Variants in SEC23IP observed in about 807,000 individuals in gnomAD.
SEC23IP encodes the protein SEC23-interacting protein.
A neutral mutation model predicts 113.4 loss-of-function variants in SEC23IP; 70 were observed. That is an observed-to-expected ratio of 0.62 (90% confidence interval 0.51 to 0.75). The LOEUF is 0.75. Ranked by LOEUF, SEC23IP falls within the 30% of genes least tolerant of loss-of-function variation. The probability of loss-of-function intolerance (pLI) is 0.00; values close to 1 mark genes in which losing one functional copy is unlikely to be tolerated. For synonymous variants in SEC23IP, 398 were observed against 421.0 expected, an observed-to-expected ratio of 0.95 and a Z score of 0.67; for missense variants, 1,160 against 1,204.9, an observed-to-expected ratio of 0.96 and a Z score of 0.55.
intron 2 of SEC23IP, 71 bp downstream of exon 2, chr10:119,899,030 A>T: frequency 7.8e-7 from 1 of 1,283,414 alleles, no homozygotes; most frequent in Non-Finnish European, 1.1e-6. Flanking sequence ...CTATGTTTTA[A>T]AAAACATTTC....
In SEC23IP at chr10:119,914,818, TG is replaced by T; in HGVS notation, c.1402+1del. 1.9e-6 allele frequency: 3 copies of T among 1,612,394 alleles called. No homozygotes were observed. The highest frequency in any genetic ancestry group is 2.5e-6 in the Non-Finnish European group (3 of 1,178,454). On this transcript the variant is annotated frameshift_variant and splice_region_variant, in exon 7 of 19. Transcript: ENST00000369075. LOFTEE classifies it high-confidence loss of function. ...DLRFRSIIEC[V>X]DDFRVVSLKL... Reference sequence around the variant, plus strand: ...TACGCTTTAGGAGCATTATTGAGTGTGGTAAGTGTTGGGTATATTGTATTTC... The same window carrying T: ...TACGCTTTAGGAGCATTATTGAGTGTGTAAGTGTTGGGTATATTGTATTTC...
intron 4 of SEC23IP, 176 bp downstream of exon 4, chr10:119,904,453 G>A: frequency 1.7e-6 from 1 of 598,894 alleles, no homozygotes; most frequent in Non-Finnish European, 3.0e-6. Context: ...TGCTAATCGT[G>A]GCATCTGTGT....
At chr10:119,895,191 C>G (rs906250134) in intron 1 of SEC23IP, among the ~76,000 whole-genome samples, 6 of 152,070 alleles carry the variant, frequency 3.9e-5, no homozygotes, top group African/African-American at 1.2e-4. Context: ...CAAGACCAAC[C>G]TGGCCAACAT....
rs1854880902 is a variant in SEC23IP at position 119,912,083 on chromosome 10, T to C, written c.1231T>C (p.Trp411Arg). 6.2e-7 allele frequency: 1 copy of C among 1,614,098 alleles called. No homozygotes were observed. Among genetic ancestry groups the C allele is most frequent in the South Asian group, 1.1e-5 (1 of 91,072 alleles). ...QFQPSSVPDE[W>R]GTTQDGQTRP... ...CCAGCCCTCCTCAGTGCCAGATGAA[T>C]GGGGCACCACGCAAGATGGACAGAC... The change falls in exon 6 of 19, where the codon TGG becomes CGG. Residue 411 changes from tryptophan to arginine, a missense_variant. Transcript: ENST00000369075.
intron 13 of SEC23IP, among the ~76,000 whole-genome samples, chr10:119,926,853 G>A (rs533362744): frequency 6.6e-6 from 1 of 152,322 alleles, no homozygotes; most frequent in Admixed American, 6.5e-5. Context: ...ATATTCTTAT[G>A]TAAGTAAATG....
In SEC23IP at chr10:119,917,864, A is replaced by T; in HGVS notation, c.1573A>T (p.Ile525Phe). 6.2e-7 allele frequency: 1 copy of T among 1,613,986 alleles called. No individual in the cohort carries two copies. Among genetic ancestry groups the T allele is most frequent in the African/African-American group, 1.3e-5 (1 of 75,048 alleles). The change falls in exon 9 of 19, where the codon ATT (isoleucine) becomes TTT (phenylalanine). Residue 525 changes from isoleucine (I) to phenylalanine (F), a missense_variant. Ile to Phe is a conservative substitution (Grantham distance 21). Transcript: ENST00000369075. The part of the protein sequence containing the change: ...RNIKKITLPS[I>F]GRFRHFTNET... ...TATTAAGAAAATCACTTTGCCAAGT[A>T]TTGGTCGATTTCGTCACTTTACCAA...
chr10:119,932,028 GA>G, intron 15 of SEC23IP, 104 bp from the exon 16 acceptor site: 1 of 674,852 alleles, frequency 1.5e-6, no homozygotes, highest in East Asian at 2.6e-5. Context: ...AAAAGAGGAA[GA>G]AACAGTCTTA....
rs1309111891 is a variant in SEC23IP, at chr10:119,912,138, A to T, written c.1286A>T (p.Asp429Val). The change falls in exon 6 of 19, where the codon GAT becomes GTT. Residue 429 changes from aspartate to valine, a missense_variant. Asp to Val is a radical substitution (Grantham distance 152, BLOSUM62 -3). Transcript: ENST00000369075. The stretch of plus-strand genomic sequence containing the variant: ...CCCAGGGTTGTAAAGCGTGGAATTG[A>T]TGATAACCTTGATGAAATTCCCGAC... ...TRPRVVKRGI[D>V]DNLDEIPDGE... 1 of 1,614,094 alleles carries T rather than the reference A, an allele frequency of 6.2e-7. No individual in the cohort carries two copies. The highest frequency in any genetic ancestry group is 1.1e-5 in the South Asian group (1 of 91,066).
intron 5 of SEC23IP, among the ~76,000 whole-genome samples, chr10:119,910,710 G>T (rs1034414579): frequency 1.3e-5 from 2 of 151,832 alleles, no homozygotes; most frequent in Non-Finnish European, 1.5e-5. Context: ...AAGAAATAAG[G>T]TCTCACTCCC....
intron 1 of SEC23IP, among the ~76,000 whole-genome samples, chr10:119,895,117 C>T (rs1323091259): frequency 1.3e-5 from 2 of 152,158 alleles, no homozygotes; most frequent in Non-Finnish European, 2.9e-5. Context: ...GGCACAGTGG[C>T]TCACGCCTGT....
chr10:119,916,672 G>C (rs974229765), intron 8 of SEC23IP, among the ~76,000 whole-genome samples: 11 of 151,890 alleles, frequency 7.2e-5, no homozygotes, highest in African/African-American at 2.7e-4. Flanking sequence ...TTTTCTGTTT[G>C]ATATTCTCTT....
chr10:119,905,887 T>C (rs1479300539), intron 4 of SEC23IP, among the ~76,000 whole-genome samples: 3 of 152,104 alleles, frequency 2.0e-5, no homozygotes, highest in Non-Finnish European at 4.4e-5. Flanking sequence ...AGAGAGACTA[T>C]ATATTTATAA....
At chr10:119,908,231 C>G (rs1447575968) in intron 4 of SEC23IP, among the ~76,000 whole-genome samples, 2 of 151,974 alleles carry the variant, frequency 1.3e-5, no homozygotes, top group African/African-American at 2.4e-5. Flanking sequence ...TCAGAAAGTC[C>G]TGGGTGATAT....
intron 6 of SEC23IP, among the ~76,000 whole-genome samples, chr10:119,912,572 A>G (rs942244207): frequency 1.3e-5 from 2 of 152,082 alleles, no homozygotes; most frequent in African/African-American, 4.8e-5. Context: ...TATCACCTCA[A>G]ACATTCATCA....
rs891520751 is a variant in SEC23IP at position 119,941,680 on chromosome 10, T to C, written c.*1115T>C. 6.5e-6 allele frequency: 1 copy of C among 152,712 alleles called. No homozygotes were observed. The highest frequency in any genetic ancestry group is 1.5e-5 in the Non-Finnish European group (1 of 68,052). The allele number at this position is 152,712 out of a possible 1,614,324, so 9.5% of individuals were successfully genotyped here. On this transcript the variant is annotated 3_prime_UTR_variant, in exon 19 of 19. Transcript: ENST00000369075. ...ATATATGATACACATTTTTTGTGTATGTATTCTAATTAGTGTGAATAAAGC... is the reference window on the plus strand; with the variant it reads ...ATATATGATACACATTTTTTGTGTACGTATTCTAATTAGTGTGAATAAAGC...
chr10:119,902,186 G>C (rs554500246), intron 2 of SEC23IP, among the ~76,000 whole-genome samples: 22 of 152,030 alleles, frequency 1.4e-4, no homozygotes, highest in Non-Finnish European at 2.5e-4. Context: ...GAGAAACCCT[G>C]TCTCTACTAA....
At chr10:119,938,591 A>AT (rs1387329350) in intron 18 of SEC23IP, among the ~76,000 whole-genome samples, 1 of 152,118 alleles carries the variant, frequency 6.6e-6, no homozygotes, top group African/African-American at 2.4e-5. Flanking sequence ...AATAATTGTA[A>AT]TTTTTTACAT....
In SEC23IP at chr10:119,898,823, C is replaced by G. The variant is rs1438483179; in HGVS notation, c.560C>G (p.Pro187Arg). Residue 187 changes from proline (P) to arginine (R), a missense_variant, in exon 2 of 19, where the codon CCT (proline) becomes CGT (arginine). By Grantham distance (103) the Pro-to-Arg change is moderately radical (BLOSUM62 -2). Transcript: ENST00000369075. ...QPGYNPYRHT[P>R]GSSRANPYIA... ...GGATACAATCCATATCGCCATACCC[C>G]TGGCAGCAGCAGGGCTAATCCTTAC... 1.2e-6 allele frequency: 2 copies of G among 1,614,052 alleles called. No homozygotes were observed. The highest frequency in any genetic ancestry group is 2.2e-5 in the East Asian group (1 of 44,874).
chr10:119,930,275 C>A, intron 14 of SEC23IP, 54 bp from the exon 15 acceptor site: 1 of 1,142,254 alleles, frequency 8.8e-7, no homozygotes, highest in African/African-American at 1.6e-5. Context: ...GCATATAACT[C>A]AAAACAGCTT....
Sources: gnomAD v4.1 joint callset for allele counts (sites outside exome capture counted in the v4.1 genomes callset) on GRCh38, gnomAD v4.1.1 for gene constraint, MANE v1.5 for transcripts, NCBI Gene and HGNC (gene_info 2026-07-23, HGNC 2026-07-21) for gene names.